EVI5: variants seen among roughly 807,000 people sequenced by gnomAD.
The protein encoded by EVI5 is ecotropic viral integration site 5 protein homolog.
Under a neutral mutation model 112.0 loss-of-function variants are expected in EVI5, and 73 were observed. The ratio of observed to expected loss-of-function variants is 0.65; its 90% CI spans 0.54 to 0.79. EVI5 has a LOEUF of 0.79. Ranked by LOEUF, EVI5 falls within the 30% of genes least tolerant of loss-of-function variation. EVI5 has a pLI of 0.00. For synonymous variants in EVI5, 305 were observed against 319.9 expected, an observed-to-expected ratio of 0.95 and a Z score of 0.50; for missense variants, 900 against 968.8, an observed-to-expected ratio of 0.93 and a Z score of 0.94.
intron 2 of EVI5, among the ~76,000 whole-genome samples, chr1:92,725,846 C>G (rs1453087308): frequency 6.6e-6 from 1 of 151,874 alleles, no homozygotes; most frequent in Non-Finnish European, 1.5e-5. Flanking sequence ...CCAGAGAGCC[C>G]ATTAAAAGTT....
Position 92,513,514 on chromosome 1 carries a change from T to C in EVI5, c.*142A>G, listed in dbSNP as rs548715553. On this transcript the variant is annotated 3_prime_UTR_variant, in exon 20 of 20. Coordinates refer to ENST00000684568, the MANE Select transcript of EVI5 (RefSeq NM_001350197.2). ...AAAAGGCAGATAAGACTGTAAAATA[T>C]ATATATATATATATATATATATATA... The C allele has an allele frequency of 4.3e-5, 1 of 23,008 alleles. No individual in the cohort carries two copies. The highest frequency in any genetic ancestry group is 7.2e-4 in the Admixed American group (1 of 1,384). The allele number at this position is 23,008 out of a possible 1,614,324, so 1.4% of individuals were successfully genotyped here.
At chr1:92,612,455 T>A (rs375250433) in intron 16 of EVI5, among the ~76,000 whole-genome samples, 27 of 152,062 alleles carry the variant, frequency 1.8e-4, no homozygotes, top group African/African-American at 9.7e-5. Context: ...ATGCCTGTAA[T>A]CCCAGTACTT....
At chr1:92,680,962 A>G (rs1667488682) in intron 9 of EVI5, among the ~76,000 whole-genome samples, 1 of 152,166 alleles carries the variant, frequency 6.6e-6, no homozygotes, top group Non-Finnish European at 1.5e-5. Context: ...AATCCTACAC[A>G]TGATCCTAGA....
intron 2 of EVI5, among the ~76,000 whole-genome samples, chr1:92,734,711 C>G (rs1303258447): frequency 1.3e-5 from 2 of 152,076 alleles, no homozygotes; most frequent in African/African-American, 4.8e-5. Context: ...TTGAAAGACA[C>G]TTTTAAGAGA....
chr1:92,648,751 T>C (rs1661503621), intron 13 of EVI5, among the ~76,000 whole-genome samples: 1 of 152,244 alleles, frequency 6.6e-6, no homozygotes, highest in African/African-American at 2.4e-5. Context: ...ATTGTGTGTA[T>C]ACGACAATTT....
Position 92,513,910 on chromosome 1 carries a change from T to C in EVI5, c.2227A>G (p.Ile743Val), listed in dbSNP as rs747893888. 5 of 1,603,786 alleles carry C rather than the reference T, an allele frequency of 3.1e-6. No individual in the cohort carries two copies. Among genetic ancestry groups the C allele is most frequent in the Admixed American group, 1.7e-5 (1 of 59,354 alleles). The part of the protein sequence containing the change: ...SGQPPFDGIH[I>V]VNHLIGDDES... ...TCATCTCCTATTAAATGGTTGACAA[T>C]GTGGATTCCATCAAAAGGAGGTTGG... Residue 743 changes from isoleucine (I) to valine (V), a missense_variant, in exon 20 of 20, where the codon ATT (isoleucine) becomes GTT (valine). Ile to Val is a conservative substitution (Grantham distance 29). Coordinates refer to ENST00000684568, the MANE Select transcript of EVI5 (RefSeq NM_001350197.2).
chr1:92,738,861 T>C (rs1482150086), intron 1 of EVI5, among the ~76,000 whole-genome samples: 3 of 152,198 alleles, frequency 2.0e-5, no homozygotes, highest in Non-Finnish European at 2.9e-5. Flanking sequence ...CTGAATCTCT[T>C]TTCCTCAACC....
At chr1:92,519,765 G>A (rs1660567468) in intron 19 of EVI5, among the ~76,000 whole-genome samples, 1 of 151,712 alleles carries the variant, frequency 6.6e-6, no homozygotes. Flanking sequence ...GTGTGGTGGT[G>A]CACGCCTGTA....
At chr1:92,680,573 AAGTTTGG>A in intron 9 of EVI5, among the ~76,000 whole-genome samples, 1 of 152,302 alleles carries the variant, frequency 6.6e-6, no homozygotes, top group East Asian at 1.9e-4. Context: ...TGGTATGGTT[AAGTTTGG>A]TAAAGAAAGA....
intron 1 of EVI5, among the ~76,000 whole-genome samples, chr1:92,759,116 A>C (rs544826589): frequency 6.6e-6 from 1 of 152,166 alleles, no homozygotes; most frequent in East Asian, 1.9e-4. Flanking sequence ...CCAGATACTT[A>C]GGAGGCTGAG....
chr1:92,771,091 C>G (rs993289422), intron 1 of EVI5, among the ~76,000 whole-genome samples: 1 of 152,096 alleles, frequency 6.6e-6, no homozygotes, highest in South Asian at 2.1e-4. Context: ...ACTGGGATTA[C>G]AGGAGAGAGC....
rs1048010265 is a variant in EVI5 at position 92,750,110 on chromosome 1, G to T, written c.-81-13483C>A. On this transcript the variant is annotated intron_variant, in intron 1 of 19. Transcript: ENST00000684568. ...AGCAATAAAAGAATTTTTTAAATGA[G>T]CAAGGAATAGGATACAAACAAAGAT... Among the ~76,000 whole-genome samples, 7 of 152,056 alleles carry T rather than the reference G, an allele frequency of 4.6e-5. 1 individual carries two copies. Among genetic ancestry groups the T allele is most frequent in the African/African-American group, 1.7e-4 (7 of 41,406 alleles).
At chr1:92,527,698 T>C (rs895309154) in intron 19 of EVI5, among the ~76,000 whole-genome samples, 1 of 152,146 alleles carries the variant, frequency 6.6e-6, no homozygotes, top group Admixed American at 6.5e-5. Context: ...CACAATAGTT[T>C]TGTCTATTCT....
At chr1:92,639,489 GA>G (rs1222757274) in intron 13 of EVI5, among the ~76,000 whole-genome samples, 2 of 151,522 alleles carry the variant, frequency 1.3e-5, no homozygotes, top group Non-Finnish European at 2.9e-5. Flanking sequence ...ATTATTAAGT[GA>G]AAAAAAATTG....
At chr1:92,586,606 CTG>C (rs61310991) in intron 18 of EVI5, among the ~76,000 whole-genome samples, 9,383 of 72,490 alleles carry the variant, frequency 0.13, 373 homozygotes, top group African/African-American at 0.15. Context: ...TTTTTTTTGG[CTG>C]TGTGTGTGTG....
intron 5 of EVI5, chr1:92,700,935 G>C (rs182216279): frequency 2.6e-5 from 4 of 152,182 alleles, no homozygotes; most frequent in African/African-American, 9.6e-5. Flanking sequence ...GCGCAAAGCT[G>C]GAAAATCATA....
chr1:92,645,497 G>A (rs1008914609), intron 13 of EVI5, among the ~76,000 whole-genome samples: 2 of 152,118 alleles, frequency 1.3e-5, no homozygotes, highest in African/African-American at 4.8e-5. Flanking sequence ...CATTTCCATA[G>A]CTACACAGCA....
chr1:92,689,291 C>G (rs562052626), intron 9 of EVI5, among the ~76,000 whole-genome samples: 7 of 151,910 alleles, frequency 4.6e-5, no homozygotes, highest in African/African-American at 1.7e-4. Context: ...CTTAATAATG[C>G]CCCCTGCTAC....
intron 13 of EVI5, among the ~76,000 whole-genome samples, chr1:92,643,991 A>C (rs918819370): frequency 6.6e-6 from 1 of 152,210 alleles, no homozygotes; most frequent in Admixed American, 6.5e-5. Flanking sequence ...CCATTCTGGA[A>C]ACCTAATGTA....
Sources: allele counts gnomAD v4.1 joint callset (sites outside exome capture counted in the v4.1 genomes callset), GRCh38; gene constraint gnomAD v4.1.1; transcripts MANE v1.5; gene names NCBI Gene and HGNC (gene_info 2026-07-23, HGNC 2026-07-21).